PTCHD4: variants seen among roughly 807,000 people sequenced by gnomAD.
The protein encoded by PTCHD4 is patched domain containing 4, also known as patched domain-containing protein 4.
In PTCHD4, 33 loss-of-function variants were observed where a neutral mutation model predicts 58.1. The observed-to-expected ratio is 0.57, with a 90% CI of 0.43 to 0.76. The LOEUF (loss-of-function observed/expected upper bound fraction) is 0.76. PTCHD4 is among the 30% of genes least tolerant of loss of function. The pLI is 0.00. For missense variants in PTCHD4, 1,058 were observed against 1,027.1 expected, an observed-to-expected ratio of 1.03 and a Z score of -0.41; for synonymous variants, 478 against 409.6, an observed-to-expected ratio of 1.17 and a Z score of -2.02.
rs538495583 is a variant in PTCHD4, at chr6:48,095,409, C to T, written c.-970+15640G>A. ...TTTTAAAAAAGAAATATAGGTCAGGCGCTGTGGCTCACGCCTGTAATCCCA... is the reference window on the plus strand; with the variant it reads ...TTTTAAAAAAGAAATATAGGTCAGGTGCTGTGGCTCACGCCTGTAATCCCA... On this transcript the variant is annotated intron_variant, in intron 1 of 4. Coordinates refer to ENST00000339488, the MANE Select transcript of PTCHD4 (RefSeq NM_001384253.1). Among the ~76,000 whole-genome samples, 13 of 152,212 alleles carry T rather than the reference C, an allele frequency of 8.5e-5. No homozygotes were observed. In the South Asian group the frequency reaches 1.7e-3, roughly 19 times the overall value.
At chr6:47,956,374 G>A (rs937082784) in intron 4 of PTCHD4, among the ~76,000 whole-genome samples, 6 of 152,082 alleles carry the variant, frequency 3.9e-5, no homozygotes, top group African/African-American at 1.4e-4. Context: ...ACTTGCTCAG[G>A]ATCAAAGAGC....
chr6:47,934,002 G>A (rs370761004), intron 4 of PTCHD4, among the ~76,000 whole-genome samples: 14 of 152,186 alleles, frequency 9.2e-5, no homozygotes, highest in East Asian at 5.8e-4. Context: ...GAATAACAGG[G>A]TAATCTGTTC....
intron 3 of PTCHD4, among the ~76,000 whole-genome samples, chr6:48,029,591 C>A (rs1348194214): frequency 6.6e-6 from 1 of 152,010 alleles, no homozygotes; most frequent in Admixed American, 6.6e-5. Flanking sequence ...TAATTTGTAG[C>A]CATTTAGTAA....
At chr6:47,950,133 TG>T (rs1198325092) in intron 4 of PTCHD4, among the ~76,000 whole-genome samples, 1 of 151,146 alleles carries the variant, frequency 6.6e-6, no homozygotes, top group African/African-American at 2.4e-5. Context: ...ATGCGGTGTT[TG>T]GTTTTTTGTC....
intron 1 of PTCHD4, among the ~76,000 whole-genome samples, 124 bp downstream of exon 1, chr6:48,110,925 C>T (rs531333704): frequency 2.6e-5 from 4 of 151,582 alleles, no homozygotes; most frequent in Non-Finnish European, 5.9e-5. Context: ...AAAATTAAAC[C>T]TTTAATAAAG....
chr6:47,977,245 T>G (rs1767726972), intron 4 of PTCHD4, among the ~76,000 whole-genome samples: 1 of 152,212 alleles, frequency 6.6e-6, no homozygotes, highest in Non-Finnish European at 1.5e-5. Context: ...CCACTGCCCT[T>G]GAGAGTGAGC....
intron 3 of PTCHD4, among the ~76,000 whole-genome samples, chr6:48,013,903 G>T (rs1762779322): frequency 6.6e-6 from 1 of 152,080 alleles, no homozygotes. Context: ...GAATAAAAGA[G>T]GGTGCTGATA....
chr6:47,880,012 C>T (rs1445280937), intron 4 of PTCHD4, 76 bp from the exon 5 acceptor site: 43 of 1,194,030 alleles, frequency 3.6e-5, no homozygotes, highest in Non-Finnish European at 4.5e-5. Flanking sequence ...TATAGTTTAT[C>T]TATGCTAAAT....
chr6:48,003,442 C>A (rs777234220), intron 4 of PTCHD4, among the ~76,000 whole-genome samples: 27 of 152,134 alleles, frequency 1.8e-4, no homozygotes, highest in Admixed American at 5.9e-4. Flanking sequence ...TCTTACATGC[C>A]ATATCTAGTC....
intron 4 of PTCHD4, among the ~76,000 whole-genome samples, chr6:47,880,498 A>G (rs1316129553): frequency 6.6e-6 from 1 of 151,326 alleles, no homozygotes; most frequent in Non-Finnish European, 1.5e-5. Context: ...CAATTTCCAA[A>G]GAGTTGATTA....
chr6:47,991,048 G>A, intron 4 of PTCHD4, among the ~76,000 whole-genome samples: 1 of 150,250 alleles, frequency 6.7e-6, no homozygotes, highest in East Asian at 1.9e-4. Context: ...TGTAATATAT[G>A]TTTGATTGGA....
intron 1 of PTCHD4, among the ~76,000 whole-genome samples, chr6:48,096,538 G>A (rs1765473447): frequency 6.6e-6 from 1 of 151,770 alleles, no homozygotes; most frequent in African/African-American, 2.4e-5. Context: ...CTTGAACCCA[G>A]GAGGCAGAAG....
intron 3 of PTCHD4, among the ~76,000 whole-genome samples, chr6:48,057,179 T>G (rs1055652564): frequency 4.4e-5 from 5 of 113,668 alleles, no homozygotes; most frequent in East Asian, 2.6e-4. Flanking sequence ...CGGTTTTTTT[T>G]GTTTTTTTTT....
At chr6:47,893,067 G>A (rs1427326164) in intron 4 of PTCHD4, among the ~76,000 whole-genome samples, 5 of 152,184 alleles carry the variant, frequency 3.3e-5, no homozygotes, top group Admixed American at 1.3e-4. Context: ...GTGGAGTGCA[G>A]TGGTGCGATC....
At chr6:48,024,411 G>A (rs957112209) in intron 3 of PTCHD4, among the ~76,000 whole-genome samples, 2 of 152,028 alleles carry the variant, frequency 1.3e-5, no homozygotes, top group African/African-American at 4.8e-5. Context: ...CTTGCTCTTA[G>A]GTCAACACAT....
chr6:47,909,872 C>A (rs1408958791), intron 4 of PTCHD4, among the ~76,000 whole-genome samples: 2 of 152,054 alleles, frequency 1.3e-5, no homozygotes, highest in Non-Finnish European at 2.9e-5. Context: ...ACATCATAGC[C>A]CCAGCTATGG....
intron 3 of PTCHD4, among the ~76,000 whole-genome samples, chr6:48,013,184 G>T (rs935722564): frequency 2.6e-5 from 4 of 151,992 alleles, no homozygotes; most frequent in African/African-American, 9.7e-5. Context: ...GTAGAATTCG[G>T]CTGTGAATCA....
At chr6:48,094,323 G>A (rs1765420793) in intron 1 of PTCHD4, among the ~76,000 whole-genome samples, 4 of 152,202 alleles carry the variant, frequency 2.6e-5, no homozygotes, top group Admixed American at 2.6e-4. Flanking sequence ...TGAATCACGA[G>A]TGGTAACGAT....
chr6:47,992,295 A>T (rs1435510739), intron 4 of PTCHD4, among the ~76,000 whole-genome samples: 1 of 152,018 alleles, frequency 6.6e-6, no homozygotes, highest in Non-Finnish European at 1.5e-5. Context: ...ACACGTGAAC[A>T]TATATATATA....
Sources: allele counts gnomAD v4.1 joint callset (sites outside exome capture counted in the v4.1 genomes callset), GRCh38; gene constraint gnomAD v4.1.1; transcripts MANE v1.5; gene names NCBI Gene and HGNC (gene_info 2026-07-23, HGNC 2026-07-21).